The following ZHX3 variants were observed in gnomAD, a reference collection of about 807,000 sequenced individuals.
ZHX3 encodes zinc fingers and homeoboxes protein 3.
Under a neutral mutation model 64.5 loss-of-function variants are expected in ZHX3, and 20 were observed. The observed-to-expected ratio is 0.31, with a 90% CI of 0.22 to 0.45. The LOEUF (loss-of-function observed/expected upper bound fraction) is 0.45. ZHX3 is among the 20% of genes least tolerant of loss of function. The pLI is 1.00. For missense variants in ZHX3, 1,041 were observed against 1,195.8 expected, an observed-to-expected ratio of 0.87 and a Z score of 1.91; for synonymous variants, 423 against 461.6, an observed-to-expected ratio of 0.92 and a Z score of 1.07.
chr20:41,314,627 T>C (rs937854600), intron 1 of ZHX3, among the ~76,000 whole-genome samples: 1 of 152,202 alleles, frequency 6.6e-6, no homozygotes. Flanking sequence ...CCAACAACAT[T>C]TGCCAAAAAT....
chr20:41,248,118 G>A (rs1368756837), intron 2 of ZHX3, among the ~76,000 whole-genome samples: 2 of 152,102 alleles, frequency 1.3e-5, no homozygotes, highest in Admixed American at 6.6e-5. Context: ...CCCCATGCTG[G>A]GTCATCACTC....
chr20:41,303,004 C>A (rs751219285), intron 1 of ZHX3, among the ~76,000 whole-genome samples: 2 of 151,608 alleles, frequency 1.3e-5, no homozygotes, highest in Admixed American at 6.6e-5. Context: ...CATAGCCTGA[C>A]GACCATCTCC....
Position 41,232,863 on chromosome 20 carries a change from G to A in ZHX3, c.-150-27797C>T, listed in dbSNP as rs2040716126. On this transcript the variant is annotated intron_variant, in intron 2 of 3. Transcript: ENST00000683867. The surrounding 1 kb of genome is among the most constrained non-coding windows in gnomAD (Gnocchi z 5.0). ...GCCTCCCAAAGTGCTGGGATTACAGGCATGAGCCACCACGCCCGGCTGGAA... is the reference window on the plus strand; with the variant it reads ...GCCTCCCAAAGTGCTGGGATTACAGACATGAGCCACCACGCCCGGCTGGAA... 6.6e-6 allele frequency among the ~76,000 whole-genome samples: 1 copy of A among 152,206 alleles called. No individual in the cohort carries two copies. The highest frequency in any genetic ancestry group is 6.5e-5 in the Admixed American group (1 of 15,280).
At position 41,220,186 on chromosome 20, in the gene ZHX3, T is replaced by C. The variant is rs572711672; in HGVS notation, c.-150-15120A>G. On this transcript the variant is annotated intron_variant, in intron 2 of 3. Coordinates refer to ENST00000683867, the MANE Select transcript of ZHX3 (RefSeq NM_001384317.1). Reference sequence around the variant, plus strand: ...CTGTGGAGCATAGGAAAAGACTTTCTACCCACCTCTGTCTTCCGGGGAACT... The same window carrying C: ...CTGTGGAGCATAGGAAAAGACTTTCCACCCACCTCTGTCTTCCGGGGAACT... Among the ~76,000 whole-genome samples, 117 of 152,366 alleles carry C rather than the reference T, an allele frequency of 7.7e-4. 2 individuals carry two copies. Among genetic ancestry groups the C allele is most frequent in the African/African-American group, 2.8e-3 (115 of 41,600 alleles).
At chr20:41,253,272 G>A (rs1600514701) in intron 2 of ZHX3, among the ~76,000 whole-genome samples, 2 of 150,740 alleles carry the variant, frequency 1.3e-5, no homozygotes, top group African/African-American at 4.9e-5. Context: ...GTATGGACTT[G>A]GAGTAAAAGT....
chr20:41,229,831 G>A (rs1020292330), intron 2 of ZHX3, among the ~76,000 whole-genome samples: 1 of 152,108 alleles, frequency 6.6e-6, no homozygotes. Flanking sequence ...TATATGGTTT[G>A]CAAGTGTCAT....
chr20:41,259,837 A>G (rs917915329), intron 2 of ZHX3, among the ~76,000 whole-genome samples: 1 of 152,274 alleles, frequency 6.6e-6, no homozygotes, highest in Admixed American at 6.5e-5. Flanking sequence ...TATTATTTGA[A>G]CTTTTTACAA....
rs147197736 is a variant in ZHX3 at position 41,300,743 on chromosome 20, G to A, written c.-245+16766C>T. 4.5e-4 allele frequency among the ~76,000 whole-genome samples: 69 copies of A among 152,296 alleles called. No homozygotes were observed. The East Asian group carries it at 9.5e-3, about 21-fold the overall frequency. On this transcript the variant is annotated intron_variant, in intron 1 of 3. Transcript: ENST00000683867. Reference sequence around the variant, plus strand: ...CAGGATAGGGTTTATTCTATGCAGAGGGGCACAGGGGAAGCCAGGAGGACC... The same window carrying A: ...CAGGATAGGGTTTATTCTATGCAGAAGGGCACAGGGGAAGCCAGGAGGACC...
chr20:41,277,781 C>T (rs1387577557), intron 1 of ZHX3, among the ~76,000 whole-genome samples: 2 of 136,654 alleles, frequency 1.5e-5, no homozygotes, highest in East Asian at 2.3e-4. Context: ...TTAGTAGAGA[C>T]GGGGTTTCAC....
rs754244007 is a variant in ZHX3, at chr20:41,184,865, G to T, written c.*326C>A. 2.7e-6 allele frequency: 4 copies of T among 1,475,728 alleles called. No individual in the cohort carries two copies. The African/African-American group carries it at 5.6e-5, about 21-fold the overall frequency. 91.4% of individuals were successfully genotyped at this position (1,475,728 alleles called of 1,614,324 possible). A position where few individuals can be genotyped will look rare whatever the true frequency, so the allele number is the denominator to read the frequency against. On this transcript the variant is annotated 3_prime_UTR_variant, in exon 4 of 4. Transcript: ENST00000683867. ...ATGTTTTATTTAACATATAGAGGTG[G>T]ATGTATATGTTAAAAGCTTGATTCT...
chr20:41,261,242 A>AT (rs889261379), intron 2 of ZHX3, among the ~76,000 whole-genome samples: 1 of 152,188 alleles, frequency 6.6e-6, no homozygotes, highest in Non-Finnish European at 1.5e-5. Context: ...TAGTAGAGTT[A>AT]TTTTTTATTT....
At chr20:41,291,777 G>T (rs1245688789) in intron 1 of ZHX3, among the ~76,000 whole-genome samples, 3 of 151,782 alleles carry the variant, frequency 2.0e-5, no homozygotes, top group African/African-American at 7.3e-5. Context: ...TAAAAAAAAT[G>T]CATTTTTGAG....
At chr20:41,305,920 A>G (rs1352919163) in intron 1 of ZHX3, among the ~76,000 whole-genome samples, 4 of 152,176 alleles carry the variant, frequency 2.6e-5, no homozygotes, top group Admixed American at 6.5e-5. Context: ...ACTTTTTATT[A>G]TAACTATTGT....
intron 1 of ZHX3, among the ~76,000 whole-genome samples, chr20:41,281,556 G>C (rs1215280316): frequency 6.6e-6 from 1 of 152,204 alleles, no homozygotes; most frequent in East Asian, 1.9e-4. Context: ...AAATAGCTGG[G>C]AGTAGGAAAG....
chr20:41,214,514 T>C (rs978138975), intron 2 of ZHX3, among the ~76,000 whole-genome samples: 2 of 152,174 alleles, frequency 1.3e-5, no homozygotes, highest in East Asian at 3.9e-4. Context: ...GCTACAGACC[T>C]CTTGAAGTAA....
rs2037438743 is a variant in ZHX3 at position 41,195,831 on chromosome 20, ACTTTCC to A, written c.2860+6220_2860+6225del. 6.6e-6 allele frequency among the ~76,000 whole-genome samples: 1 copy of A among 151,978 alleles called. No homozygotes were observed. The highest frequency in any genetic ancestry group is 1.5e-5 in the Non-Finnish European group (1 of 67,992). ...TTTCATTTGTCTCAAGGTATTTTTT[ACTTTCC>A]CTTATGATTTCTTTGACCCATTAGT... On this transcript the variant is annotated intron_variant, in intron 3 of 3. Coordinates refer to ENST00000683867, the MANE Select transcript of ZHX3 (RefSeq NM_001384317.1). The surrounding 1 kb of genome is among the most constrained non-coding windows in gnomAD (Gnocchi z 4.2).
rs866391452 is a variant in ZHX3 at position 41,195,684 on chromosome 20, G to A, written c.2860+6373C>T. Among the ~76,000 whole-genome samples the A allele has an allele frequency of 6.6e-6, 1 of 152,162 alleles. No homozygotes were observed. Among genetic ancestry groups the A allele is most frequent in the Non-Finnish European group, 1.5e-5 (1 of 68,030 alleles). ...ACCCACCTTAGCCTCCCAAAGTGTG[G>A]GGATTACAGGCATAAGCCACTGCGC... On this transcript the variant is annotated intron_variant, in intron 3 of 3. Coordinates refer to ENST00000683867, the MANE Select transcript of ZHX3 (RefSeq NM_001384317.1). The surrounding 1 kb of genome is among the most constrained non-coding windows in gnomAD (Gnocchi z 4.2).
intron 2 of ZHX3, among the ~76,000 whole-genome samples, chr20:41,266,852 T>G (rs1423590111): frequency 2.8e-5 from 4 of 141,778 alleles, no homozygotes; most frequent in South Asian, 4.7e-4. Context: ...GCCTTTTTTT[T>G]TTTTTTTTTT....
At position 41,261,899 on chromosome 20, in the gene ZHX3, C is replaced by T. The variant is rs1031326309; in HGVS notation, c.-151+7091G>A. 3.9e-5 allele frequency among the ~76,000 whole-genome samples: 6 copies of T among 152,258 alleles called. No homozygotes were observed. In the East Asian group the frequency reaches 1.2e-3, roughly 29 times the overall value. ...TGTTTTCCTAGACATTCAACAAGTCCTAAAATAAACTTTCCCCTGCTTCTC... is the reference window on the plus strand; with the variant it reads ...TGTTTTCCTAGACATTCAACAAGTCTTAAAATAAACTTTCCCCTGCTTCTC... On this transcript the variant is annotated intron_variant, in intron 2 of 3. Transcript: ENST00000683867.
Sources: allele counts gnomAD v4.1 joint callset (sites outside exome capture counted in the v4.1 genomes callset), GRCh38; gene constraint gnomAD v4.1.1; non-coding constraint Gnocchi (gnomAD v3.1); transcripts MANE v1.5; gene names NCBI Gene and HGNC (gene_info 2026-07-23, HGNC 2026-07-21).